Variants in CNTNAP3B observed in about 807,000 individuals in gnomAD.
CNTNAP3B encodes the protein contactin associated protein family member 3B, also known as contactin-associated protein-like 3B.
Under a neutral mutation model 108.9 loss-of-function variants are expected in CNTNAP3B, and 25 were observed. The ratio of observed to expected loss-of-function variants is 0.23; its 90% CI spans 0.17 to 0.32. CNTNAP3B has a LOEUF of 0.32. Ranked by LOEUF, CNTNAP3B falls within the 10% of genes least tolerant of loss-of-function variation. The probability of loss-of-function intolerance (pLI) is 1.00; values close to 1 mark genes in which losing one functional copy is unlikely to be tolerated. For synonymous variants in CNTNAP3B, 103 were observed against 473.4 expected (o/e 0.22, Z 10.16); for missense variants, 252 against 1,210.4 (o/e 0.21, Z 11.75).
At chr9:41,964,073 A>G (rs1825190271) in intron 11 of CNTNAP3B, among the ~76,000 whole-genome samples, 1 of 152,292 alleles carries the variant, frequency 6.6e-6, no homozygotes, top group Admixed American at 6.5e-5. Context: ...TGCCATGTAC[A>G]ATCCCATGAT....
chr9:41,940,873 T>C (rs926195442), intron 13 of CNTNAP3B, among the ~76,000 whole-genome samples: 3 of 152,246 alleles, frequency 2.0e-5, no homozygotes, highest in East Asian at 1.9e-4. Context: ...AAATAATTTG[T>C]CGCTAGCAGA....
chr9:41,932,810 G>C (rs947104933), intron 14 of CNTNAP3B, among the ~76,000 whole-genome samples: 2 of 152,176 alleles, frequency 1.3e-5, no homozygotes, highest in Non-Finnish European at 2.9e-5. Context: ...GAGCCACCGC[G>C]CCCAGCCCAA....
At chr9:42,059,636 AG>A (rs1253585631) in intron 3 of CNTNAP3B, among the ~76,000 whole-genome samples, 1 of 39,888 alleles carries the variant, frequency 2.5e-5, no homozygotes, top group East Asian at 6.8e-4. Context: ...TCTGTCATCC[AG>A]GCTGGAGTGC....
chr9:42,041,749 G>A (rs547188308), intron 3 of CNTNAP3B, among the ~76,000 whole-genome samples: 3 of 138,680 alleles, frequency 2.2e-5, no homozygotes, highest in African/African-American at 2.8e-5. Context: ...TATATACCCA[G>A]AGGATTATAA....
intron 13 of CNTNAP3B, among the ~76,000 whole-genome samples, chr9:41,947,420 C>T (rs1462056968): frequency 6.6e-6 from 1 of 152,158 alleles, no homozygotes; most frequent in Non-Finnish European, 1.5e-5. Context: ...AAATAAGCTA[C>T]AGGTCAAAGA....
At chr9:42,099,019 G>T (rs1168437433) in intron 2 of CNTNAP3B, among the ~76,000 whole-genome samples, 1 of 137,620 alleles carries the variant, frequency 7.3e-6, no homozygotes, top group East Asian at 2.3e-4. Flanking sequence ...CCCACCTCTA[G>T]TTTCCCTGCT....
chr9:41,977,979 T>C (rs1212758848), intron 9 of CNTNAP3B, among the ~76,000 whole-genome samples: 1 of 132,922 alleles, frequency 7.5e-6, no homozygotes, highest in East Asian at 2.2e-4. Context: ...TTAAAAGGAT[T>C]CTGGAAAAAA....
In CNTNAP3B at chr9:41,968,801, CT is replaced by C. The variant is rs66468149; in HGVS notation, c.1649+1272del. ...AAAGTTCTACCAGATGCAGATATAA[CT>C]TTTTTTTTTTTTTTGAGAAGAGTCT... On this transcript the variant is annotated intron_variant, in intron 10 of 23. Coordinates refer to ENST00000377561, the MANE Select transcript of CNTNAP3B (RefSeq NM_001201380.3). Among the ~76,000 whole-genome samples, 88 of 137,428 alleles carry C rather than the reference CT, an allele frequency of 6.4e-4. 1 individual carries two copies. The highest frequency in any genetic ancestry group is 1.6e-3 in the African/African-American group (58 of 35,224). 90.2% of individuals were successfully genotyped at this position (137,428 alleles called of 152,430 possible). A position where few individuals can be genotyped will look rare whatever the true frequency, so the allele number is the denominator to read the frequency against.
At chr9:42,098,284 G>A (rs1259569225) in intron 2 of CNTNAP3B, among the ~76,000 whole-genome samples, 1 of 130,176 alleles carries the variant, frequency 7.7e-6, no homozygotes, top group Non-Finnish European at 1.6e-5. Context: ...CCATGAAAAA[G>A]ATAACTAGGC....
intron 2 of CNTNAP3B, among the ~76,000 whole-genome samples, chr9:42,094,418 G>T (rs1270963814): frequency 7.8e-6 from 1 of 127,902 alleles, no homozygotes; most frequent in African/African-American, 3.2e-5. Context: ...ATTTTGGGAA[G>T]CTGAGGTGGC....
chr9:41,959,617 T>C (rs1824997548), intron 12 of CNTNAP3B, among the ~76,000 whole-genome samples: 2 of 152,426 alleles, frequency 1.3e-5, no homozygotes, highest in East Asian at 1.9e-4. Context: ...TTGGAGGTAA[T>C]TGGTATCTTA....
At chr9:41,966,078 A>G (rs2118238383) in intron 10 of CNTNAP3B, among the ~76,000 whole-genome samples, 1 of 152,358 alleles carries the variant, frequency 6.6e-6, no homozygotes, top group Non-Finnish European at 1.5e-5. Context: ...GCCTGTGTGA[A>G]CTGATCAGAA....
chr9:41,950,026 A>G (rs1166107239), intron 13 of CNTNAP3B, among the ~76,000 whole-genome samples: 34 of 144,686 alleles, frequency 2.3e-4, no homozygotes, highest in African/African-American at 8.3e-4. Flanking sequence ...TGAAAATTCA[A>G]CAGTAACAAA....
At chr9:41,947,779 A>C (rs1824568097) in intron 13 of CNTNAP3B, among the ~76,000 whole-genome samples, 2 of 152,358 alleles carry the variant, frequency 1.3e-5, no homozygotes, top group South Asian at 4.1e-4. Context: ...AAACTTCTAT[A>C]AAGACTGACA....
chr9:41,982,083 A>AAT (rs1825640482), intron 9 of CNTNAP3B, among the ~76,000 whole-genome samples: 1 of 111,972 alleles, frequency 8.9e-6, no homozygotes, highest in Non-Finnish European at 1.8e-5. Context: ...AAAAAAAAAA[A>AAT]GTAAAGCCTA....
rs1449481878 is a variant in CNTNAP3B at position 42,110,239 on chromosome 9, G to T, written c.86-5500C>A. Among the ~76,000 whole-genome samples the T allele has an allele frequency of 4.5e-5, 6 of 134,638 alleles. 1 individual carries two copies. In the Admixed American group the frequency reaches 4.5e-4, roughly 10 times the overall value. 88.3% of individuals were successfully genotyped at this position (134,638 alleles called of 152,430 possible). Reference sequence around the variant, plus strand: ...AATACGTTTAACATCCCTTTGAATCGCACAGATACTCAATTCCTTCTGAGA... The same window carrying T: ...AATACGTTTAACATCCCTTTGAATCTCACAGATACTCAATTCCTTCTGAGA... On this transcript the variant is annotated intron_variant, in intron 1 of 23. Transcript: ENST00000377561.
intron 13 of CNTNAP3B, among the ~76,000 whole-genome samples, chr9:41,942,014 G>T (rs1440174349): frequency 1.3e-5 from 2 of 152,298 alleles, no homozygotes; most frequent in Non-Finnish European, 2.9e-5. Context: ...CCCCCAAAAA[G>T]CTAGTTTACT....
At chr9:41,926,429 A>G (rs113661966) in intron 15 of CNTNAP3B, among the ~76,000 whole-genome samples, 1 of 152,310 alleles carries the variant, frequency 6.6e-6, no homozygotes, top group Non-Finnish European at 1.5e-5. Flanking sequence ...ACAGAAGAGA[A>G]TATTTTATTT....
In CNTNAP3B at chr9:42,056,327, TTATTA is replaced by T. The variant is rs1190289068; in HGVS notation, c.390+20537_390+20541del. ...AAGGTTGAATATTATCTCATGAATT[TTATTA>T]TTATTATTATTATTATTATTATTAT... On this transcript the variant is annotated intron_variant, in intron 3 of 23. Coordinates refer to ENST00000377561, the MANE Select transcript of CNTNAP3B (RefSeq NM_001201380.3). Among the ~76,000 whole-genome samples the T allele has an allele frequency of 5.2e-3, 121 of 23,278 alleles. 1 individual carries two copies. Among genetic ancestry groups the T allele is most frequent in the East Asian group, 0.039 (25 of 648 alleles). 15.3% of individuals were successfully genotyped at this position (23,278 alleles called of 152,430 possible). A position where few individuals can be genotyped will look rare whatever the true frequency, so the allele number is the denominator to read the frequency against.
Sources: allele counts gnomAD v4.1 joint callset (sites outside exome capture counted in the v4.1 genomes callset), GRCh38; gene constraint gnomAD v4.1.1; transcripts MANE v1.5; gene names NCBI Gene and HGNC (gene_info 2026-07-23, HGNC 2026-07-21).